PLCL1: variants seen among roughly 807,000 people sequenced by gnomAD.
PLCL1 encodes phospholipase C like 1 (inactive).
In PLCL1, 41 loss-of-function variants were observed where a neutral mutation model predicts 84.4. That is an observed-to-expected ratio of 0.49 (90% CI 0.38 to 0.63). PLCL1 has a LOEUF of 0.63. Among genes scored for constraint, PLCL1 ranks in the 30% least tolerant of loss-of-function variants. PLCL1 has a pLI of 0.00. For synonymous variants in PLCL1, 490 were observed against 488.3 expected (o/e 1.00, Z -0.05); for missense variants, 1,206 against 1,367.8 (o/e 0.88, Z 1.87).
At chr2:197,940,097 C>T (rs147592222) in intron 1 of PLCL1, among the ~76,000 whole-genome samples, 202 of 151,914 alleles carry the variant, frequency 1.3e-3, no homozygotes, top group African/African-American at 4.3e-3. Flanking sequence ...TCTTACCTTT[C>T]TCCAAATTGT....
intron 1 of PLCL1, among the ~76,000 whole-genome samples, chr2:197,844,966 C>A (rs767823973): frequency 1.3e-5 from 2 of 152,012 alleles, no homozygotes. Flanking sequence ...TATTGGAGGA[C>A]AGACTTCAAC....
chr2:198,090,427 C>T (rs1439565600), intron 3 of PLCL1, among the ~76,000 whole-genome samples: 1 of 151,050 alleles, frequency 6.6e-6, no homozygotes, highest in Non-Finnish European at 1.5e-5. Flanking sequence ...TATAATGAAC[C>T]CAACTAATTT....
At chr2:197,848,473 G>T (rs1332427515) in intron 1 of PLCL1, among the ~76,000 whole-genome samples, 1 of 152,162 alleles carries the variant, frequency 6.6e-6, no homozygotes, top group African/African-American at 2.4e-5. Context: ...TTGTTGATTT[G>T]TAGAGTGTAA....
chr2:197,935,322 A>G (rs1689028855), intron 1 of PLCL1, among the ~76,000 whole-genome samples: 1 of 152,208 alleles, frequency 6.6e-6, no homozygotes. Flanking sequence ...TGCTTATGAC[A>G]ACAATATTCA....
At chr2:197,862,743 A>G (rs183149965) in intron 1 of PLCL1, among the ~76,000 whole-genome samples, 2 of 152,146 alleles carry the variant, frequency 1.3e-5, no homozygotes, top group Admixed American at 6.5e-5. Context: ...AGATCTGTTT[A>G]GGACTGCTTG....
At chr2:197,915,687 A>ATTTCCTAG (rs1271526326) in intron 1 of PLCL1, among the ~76,000 whole-genome samples, 9 of 152,290 alleles carry the variant, frequency 5.9e-5, no homozygotes, top group African/African-American at 2.2e-4. Flanking sequence ...CAACCTAGTG[A>ATTTCCTAG]TGATTTCCAG....
chr2:197,843,458 G>A (rs1191204150), intron 1 of PLCL1, among the ~76,000 whole-genome samples: 1 of 152,108 alleles, frequency 6.6e-6, no homozygotes, highest in Non-Finnish European at 1.5e-5. Flanking sequence ...GTATTATTGG[G>A]TATGAGTACA....
At chr2:198,140,316 A>C (rs1291582650) in intron 5 of PLCL1, among the ~76,000 whole-genome samples, 4 of 152,150 alleles carry the variant, frequency 2.6e-5, no homozygotes, top group African/African-American at 4.8e-5. Context: ...AGTAGTGTTT[A>C]AATAATGTTG....
intron 1 of PLCL1, chr2:197,810,162 T>G: frequency 2.9e-6 from 1 of 349,196 alleles, no homozygotes; most frequent in Non-Finnish European, 5.1e-6. Context: ...TAGGTAGATT[T>G]GGTTTATGAT....
At position 197,859,869 on chromosome 2, in the gene PLCL1, C is replaced by G. The variant is rs549899393; in HGVS notation, c.240+54530C>G. 2.0e-5 allele frequency among the ~76,000 whole-genome samples: 3 copies of G among 152,236 alleles called. No individual in the cohort carries two copies. In the South Asian group the frequency reaches 6.2e-4, roughly 32 times the overall value. ...ACAGTGCACATTACAGAACAGATCT[C>G]TGTCTTTTAAAAAATTTTTTTAAGT... On this transcript the variant is annotated intron_variant, in intron 1 of 5. Transcript: ENST00000428675.
At chr2:198,083,617 C>T in intron 1 of PLCL1, 141 bp from the exon 2 acceptor site, 1 of 571,830 alleles carries the variant, frequency 1.7e-6, no homozygotes, top group Non-Finnish European at 2.9e-6. Flanking sequence ...TTTTCTGAAA[C>T]AGTGAAAATG....
At chr2:197,982,437 G>C (rs1274712859) in intron 1 of PLCL1, among the ~76,000 whole-genome samples, 4 of 152,126 alleles carry the variant, frequency 2.6e-5, no homozygotes, top group Non-Finnish European at 5.9e-5. Context: ...CTATCTTTAA[G>C]CCTCCTCATG....
At chr2:197,941,511 C>T (rs1304061893) in intron 1 of PLCL1, among the ~76,000 whole-genome samples, 2 of 152,226 alleles carry the variant, frequency 1.3e-5, no homozygotes, top group Admixed American at 6.5e-5. Context: ...AGGCTGGTCT[C>T]GAACTCTGGG....
At chr2:197,831,113 T>C (rs1691049602) in intron 1 of PLCL1, among the ~76,000 whole-genome samples, 1 of 152,184 alleles carries the variant, frequency 6.6e-6, no homozygotes, top group Admixed American at 6.5e-5. Context: ...CATCAACTAA[T>C]GGGCAAAATA....
At chr2:197,810,661 G>GCTA (rs1402516088) in intron 1 of PLCL1, among the ~76,000 whole-genome samples, 2 of 152,198 alleles carry the variant, frequency 1.3e-5, no homozygotes, top group Admixed American at 1.3e-4. Flanking sequence ...TTACCTTGGT[G>GCTA]CTACTGAACA....
chr2:197,929,152 G>T (rs1173527280), intron 1 of PLCL1, among the ~76,000 whole-genome samples: 1 of 152,088 alleles, frequency 6.6e-6, no homozygotes, highest in East Asian at 1.9e-4. Context: ...CCTCATTAAT[G>T]CCATAGTGAC....
intron 5 of PLCL1, among the ~76,000 whole-genome samples, chr2:198,141,170 TA>T (rs1035807592): frequency 5.3e-5 from 8 of 152,306 alleles, no homozygotes; most frequent in African/African-American, 1.9e-4. Flanking sequence ...GTTCATGGAG[TA>T]AAAATTTAAC....
At chr2:198,129,216 G>A (rs1247742267) in intron 5 of PLCL1, among the ~76,000 whole-genome samples, 1 of 152,052 alleles carries the variant, frequency 6.6e-6, no homozygotes, top group African/African-American at 2.4e-5. Context: ...GTCTTTTTCT[G>A]ATCCTGAAGA....
chr2:197,971,280 G>T (rs958776734), intron 1 of PLCL1, among the ~76,000 whole-genome samples: 1 of 152,224 alleles, frequency 6.6e-6, no homozygotes. Flanking sequence ...CAGCTGTGGG[G>T]ACTGCACATG....
Sources: allele counts gnomAD v4.1 joint callset (sites outside exome capture counted in the v4.1 genomes callset), GRCh38; gene constraint gnomAD v4.1.1; transcripts MANE v1.5; gene names NCBI Gene and HGNC (gene_info 2026-07-23, HGNC 2026-07-21).